The following TGFBR3 variants were observed in gnomAD, a reference collection of about 807,000 sequenced individuals.
The protein encoded by TGFBR3 is transforming growth factor beta receptor 3.
In TGFBR3, 46 loss-of-function variants were observed where a neutral mutation model predicts 87.9. That is an observed-to-expected ratio of 0.52 (90% confidence interval 0.41 to 0.67). The LOEUF (loss-of-function observed/expected upper bound fraction) is 0.67, where lower values mean the gene tolerates loss of function less well. Ranked by LOEUF, TGFBR3 falls within the 30% of genes least tolerant of loss-of-function variation. The probability of loss-of-function intolerance (pLI) is 0.00; values close to 1 mark genes in which losing one functional copy is unlikely to be tolerated. For synonymous variants in TGFBR3, 381 were observed against 391.6 expected (o/e 0.97, Z 0.32); for missense variants, 866 against 1,041.9 (o/e 0.83, Z 2.32).
intron 3 of TGFBR3, chr1:91,786,227 C>A (rs1419870941): frequency 6.6e-6 from 3 of 456,120 alleles, no homozygotes; most frequent in Non-Finnish European, 1.3e-5. Context: ...ATTGAACAGG[C>A]CTGTGAATGA....
chr1:91,879,391 A>G (rs757743730), intron 1 of TGFBR3, among the ~76,000 whole-genome samples: 12 of 152,128 alleles, frequency 7.9e-5, no homozygotes, highest in Non-Finnish European at 1.6e-4. Context: ...CACCACAAAA[A>G]CCAGACATTA....
chr1:91,793,018 C>T (rs1314785916), intron 3 of TGFBR3, among the ~76,000 whole-genome samples: 2 of 152,170 alleles, frequency 1.3e-5, no homozygotes, highest in South Asian at 2.1e-4. Flanking sequence ...GCAGGGAGGC[C>T]GATGACAAAA....
intron 3 of TGFBR3, among the ~76,000 whole-genome samples, chr1:91,788,261 G>A (rs540459765): frequency 6.6e-6 from 1 of 152,314 alleles, no homozygotes; most frequent in East Asian, 1.9e-4. Flanking sequence ...GGACCCCAGG[G>A]ACCCTCTAGT....
chr1:91,712,614 ATGCC>A, intron 12 of TGFBR3, 72 bp from the exon 13 acceptor site: 2 of 1,413,002 alleles, frequency 1.4e-6, no homozygotes, highest in Non-Finnish European at 2.0e-6. Flanking sequence ...CAAGGACCAT[ATGCC>A]AAGACAGCCC....
chr1:91,818,864 G>A (rs538829239), intron 2 of TGFBR3, among the ~76,000 whole-genome samples: 6 of 152,140 alleles, frequency 3.9e-5, no homozygotes, highest in Non-Finnish European at 8.8e-5. Context: ...TGATGGTGGG[G>A]TTTTTTCCAG....
chr1:91,796,957 T>A (rs1675410010), intron 3 of TGFBR3, among the ~76,000 whole-genome samples: 1 of 152,076 alleles, frequency 6.6e-6, no homozygotes, highest in Non-Finnish European at 1.5e-5. Context: ...CTTGAACTCC[T>A]GAGCTCATGC....
intron 4 of TGFBR3, among the ~76,000 whole-genome samples, chr1:91,751,390 G>A (rs1673536114): frequency 6.6e-6 from 1 of 152,152 alleles, no homozygotes; most frequent in Admixed American, 6.6e-5. Context: ...GTAACAGCTG[G>A]ACATGCACGG....
intron 3 of TGFBR3, among the ~76,000 whole-genome samples, chr1:91,776,529 A>T (rs1207295325): frequency 6.6e-6 from 1 of 152,090 alleles, no homozygotes; most frequent in Non-Finnish European, 1.5e-5. Flanking sequence ...CTCAATTTCC[A>T]CACCTGTAAA....
chr1:91,681,937 T>C lies in TGFBR3; in HGVS notation c.*1802A>G, dbSNP rs1312027924. ...AAAGGAAAAAAATTCTCTAAACTCA[T>C]GTCTTCTTCGTTTGTATATGGAAAT... On this transcript the variant is annotated 3_prime_UTR_variant, in exon 17 of 17. Transcript: ENST00000212355. 2.2e-6 allele frequency: 1 copy of C among 452,708 alleles called. No individual in the cohort carries two copies. Among genetic ancestry groups the C allele is most frequent in the South Asian group, 1.6e-5 (1 of 63,786 alleles). 28.0% of individuals were successfully genotyped at this position (452,708 alleles called of 1,614,324 possible). A position where few individuals can be genotyped will look rare whatever the true frequency, so the allele number is the denominator to read the frequency against.
chr1:91,839,858 T>C (rs1370478991), intron 2 of TGFBR3, among the ~76,000 whole-genome samples: 1 of 152,208 alleles, frequency 6.6e-6, no homozygotes, highest in East Asian at 1.9e-4. Context: ...GTTAATAATA[T>C]TGTAACAAGA....
intron 12 of TGFBR3, among the ~76,000 whole-genome samples, chr1:91,713,165 C>A (rs543620747): frequency 3.4e-4 from 52 of 152,316 alleles, no homozygotes; most frequent in Admixed American, 2.9e-3. Context: ...GCTCACAGAT[C>A]CAAATCAGCC....
chr1:91,869,466 A>G (rs1423615510), intron 1 of TGFBR3, among the ~76,000 whole-genome samples: 1 of 152,208 alleles, frequency 6.6e-6, no homozygotes, highest in Non-Finnish European at 1.5e-5. Context: ...GGAGTTCCAG[A>G]CCAACCTGGC....
intron 2 of TGFBR3, among the ~76,000 whole-genome samples, chr1:91,893,876 T>G (rs1679495146): frequency 6.6e-6 from 1 of 151,556 alleles, no homozygotes; most frequent in South Asian, 2.1e-4. Flanking sequence ...TATAATACAT[T>G]GTTAACATTT....
intron 16 of TGFBR3, among the ~76,000 whole-genome samples, chr1:91,689,045 C>G (rs1671186921): frequency 6.6e-6 from 1 of 152,180 alleles, no homozygotes; most frequent in Admixed American, 6.5e-5. Context: ...CCATTAAACA[C>G]AGAGGTTAAG....
intron 4 of TGFBR3, among the ~76,000 whole-genome samples, chr1:91,738,204 T>C (rs1557685029): frequency 6.6e-6 from 1 of 152,210 alleles, no homozygotes; most frequent in Admixed American, 6.5e-5. Flanking sequence ...CATGAGACAA[T>C]TCCTATAATA....
chr1:91,813,932 A>C (rs1262338439), intron 2 of TGFBR3, among the ~76,000 whole-genome samples: 1 of 152,182 alleles, frequency 6.6e-6, no homozygotes, highest in African/African-American at 2.4e-5. Flanking sequence ...AGTTCACAAC[A>C]GGGTTCACAC....
chr1:91,881,911 C>A (rs944937148), intron 1 of TGFBR3, among the ~76,000 whole-genome samples: 1 of 151,766 alleles, frequency 6.6e-6, no homozygotes, highest in African/African-American at 2.4e-5. Flanking sequence ...TGGTGGCATG[C>A]ACCTGTGGTC....
At chr1:91,863,824 C>T (rs1369991629) in intron 1 of TGFBR3, 1 of 152,186 alleles carries the variant, frequency 6.6e-6, no homozygotes, top group Non-Finnish European at 1.5e-5. Context: ...ATTAAACTGA[C>T]TTATTATCCC....
rs373805524 is a variant in TGFBR3 at position 91,742,369 on chromosome 1, T to C, written c.385-7410A>G. 2.0e-5 allele frequency among the ~76,000 whole-genome samples: 3 copies of C among 152,202 alleles called. No homozygotes were observed. In the East Asian group the frequency reaches 5.8e-4, roughly 29 times the overall value. On this transcript the variant is annotated intron_variant, in intron 4 of 16. Coordinates refer to ENST00000212355, the MANE Select transcript of TGFBR3 (RefSeq NM_003243.5). ...TGCTGGGCATGAAGCAAGGACCCAA[T>C]AATTGCTTGTTGAATGAAAGCTCAA...
Sources: gnomAD v4.1 joint callset for allele counts (sites outside exome capture counted in the v4.1 genomes callset) on GRCh38, gnomAD v4.1.1 for gene constraint, MANE v1.5 for transcripts, NCBI Gene and HGNC (gene_info 2026-07-23, HGNC 2026-07-21) for gene names.